FGD6: variants seen among roughly 807,000 people sequenced by gnomAD.
FGD6 encodes the protein FYVE, RhoGEF and PH domain-containing protein 6.
Under a neutral mutation model 149.4 loss-of-function variants are expected in FGD6, and 90 were observed. The ratio of observed to expected loss-of-function variants is 0.60; its 90% CI spans 0.51 to 0.72. FGD6 has a LOEUF of 0.72. Ranked by LOEUF, FGD6 falls within the 30% of genes least tolerant of loss-of-function variation. The pLI, the probability that FGD6 is intolerant of heterozygous loss-of-function variation, is 0.00. For synonymous variants in FGD6, 527 were observed against 584.0 expected, an observed-to-expected ratio of 0.90 and a Z score of 1.41; for missense variants, 1,437 against 1,684.8, an observed-to-expected ratio of 0.85 and a Z score of 2.57.
Position 95,081,419 on chromosome 12 carries a change from T to C in FGD6, c.*101A>G. The stretch of plus-strand genomic sequence containing the variant: ...TTGATGAAGGGTCTGGTTGGCTTTA[T>C]CTTGGCAGTGTTCATTTTTATACAA... On this transcript the variant is annotated 3_prime_UTR_variant, in exon 21 of 21. Coordinates refer to ENST00000343958, the MANE Select transcript of FGD6 (RefSeq NM_018351.4). 9.7e-7 allele frequency: 1 copy of C among 1,035,300 alleles called. No homozygotes were observed. The highest frequency in any genetic ancestry group is 1.4e-6 in the Non-Finnish European group (1 of 736,630). 64.1% of individuals were successfully genotyped at this position (1,035,300 alleles called of 1,614,324 possible). A position where few individuals can be genotyped will look rare whatever the true frequency, so the allele number is the denominator to read the frequency against.
chr12:95,155,865 T>C (rs1476944420), intron 3 of FGD6, among the ~76,000 whole-genome samples: 1 of 152,226 alleles, frequency 6.6e-6, no homozygotes, highest in African/African-American at 2.4e-5. Flanking sequence ...ATTGTGAAGA[T>C]TTCACGGACA....
intron 14 of FGD6, among the ~76,000 whole-genome samples, chr12:95,096,818 G>A (rs565304235): frequency 6.5e-4 from 99 of 152,320 alleles, no homozygotes; most frequent in African/African-American, 2.4e-3. Context: ...CCAGGTCATT[G>A]CTAGCCTCTG....
intron 9 of FGD6, among the ~76,000 whole-genome samples, chr12:95,111,193 C>G (rs886140551): frequency 6.6e-6 from 1 of 152,160 alleles, no homozygotes. Flanking sequence ...GTTGCCCAGG[C>G]TGGTCTTGAA....
intron 13 of FGD6, among the ~76,000 whole-genome samples, chr12:95,105,343 T>C (rs1878576878): frequency 6.6e-6 from 1 of 152,206 alleles, no homozygotes; most frequent in Non-Finnish European, 1.5e-5. Flanking sequence ...CATCTCAGCA[T>C]GGCCAAATGT....
chr12:95,216,669 C>CAA (rs143881424), intron 1 of FGD6, among the ~76,000 whole-genome samples: 12,504 of 88,082 alleles, frequency 0.14, 761 homozygotes, highest in South Asian at 0.2. Flanking sequence ...TGCAGACAAG[C>CAA]AAAAAAAAAA....
chr12:95,158,616 T>A (rs1880549034), intron 3 of FGD6, among the ~76,000 whole-genome samples: 1 of 152,148 alleles, frequency 6.6e-6, no homozygotes, highest in African/African-American at 2.4e-5. Context: ...CGGATAACTG[T>A]TATTTTGAAA....
intron 8 of FGD6, among the ~76,000 whole-genome samples, chr12:95,126,634 G>A (rs1194163996): frequency 6.6e-6 from 1 of 151,874 alleles, no homozygotes; most frequent in Non-Finnish European, 1.5e-5. Context: ...AGGAGGCTGA[G>A]GCAAGAGAAC....
chr12:95,210,728 C>T lies in FGD6; in HGVS notation c.556G>A (p.Ala186Thr), dbSNP rs201114864. The change falls in exon 2 of 21, where the codon GCC becomes ACC. Residue 186 changes from alanine to threonine, a missense_variant. Physicochemically the swap from Ala to Thr is moderately conservative, Grantham distance 58. Coordinates refer to ENST00000343958, the MANE Select transcript of FGD6 (RefSeq NM_018351.4). ...ASVLEEELKD[A>T]LIHQMPPFIS... ...AAAGGTGGCATTTGGTGTATTAAGG[C>T]ATCTTTGAGCTCCTCTTCTAAAACG... The T allele has an allele frequency of 8.7e-6, 14 of 1,613,800 alleles. No individual in the cohort carries two copies. The highest frequency in any genetic ancestry group is 1.2e-5 in the Non-Finnish European group (14 of 1,179,998).
At chr12:95,201,662 C>A (rs749659128) in intron 2 of FGD6, among the ~76,000 whole-genome samples, 1 of 152,116 alleles carries the variant, frequency 6.6e-6, no homozygotes, top group Non-Finnish European at 1.5e-5. Flanking sequence ...TCACCCTCCC[C>A]ACTTCTGCCC....
chr12:95,127,856 A>G lies in FGD6; in HGVS notation c.3082+6883T>C, dbSNP rs1232382351. Among the ~76,000 whole-genome samples the G allele has an allele frequency of 4.6e-5, 7 of 152,234 alleles. 1 individual carries two copies. Among genetic ancestry groups the G allele is most frequent in the South Asian group, 4.1e-4 (2 of 4,836 alleles). On this transcript the variant is annotated intron_variant, in intron 8 of 20. Transcript: ENST00000343958. ...CAAAGGACTATTTTTTTCTAACTAC[A>G]TAAGTGGAAAAGACTTATCAGAGGA...
chr12:95,140,572 GTGCCAT>G (rs908369846), intron 6 of FGD6, among the ~76,000 whole-genome samples: 2 of 152,014 alleles, frequency 1.3e-5, no homozygotes, highest in African/African-American at 4.8e-5. Context: ...AGCTGCGATC[GTGCCAT>G]TGCACTCCAG....
At chr12:95,180,994 CAA>C (rs10711230) in intron 2 of FGD6, among the ~76,000 whole-genome samples, 1 of 150,554 alleles carries the variant, frequency 6.6e-6, no homozygotes, top group African/African-American at 2.4e-5. Context: ...ATTGCCGTTT[CAA>C]AAAAAAAAGA....
At chr12:95,199,521 C>T (rs1169194305) in intron 2 of FGD6, among the ~76,000 whole-genome samples, 30 of 152,100 alleles carry the variant, frequency 2.0e-4, no homozygotes, top group Admixed American at 1.9e-3. Flanking sequence ...CTGCCTTCCT[C>T]CCCAGTAAGA....
chr12:95,089,683 GGAGTGCT>G lies in FGD6; in HGVS notation c.3857_3863del (p.Gln1286ProfsTer49). Reference sequence around the variant, plus strand: ...GATTTCCAGGAGATCCAATCCTAGGGGAGTGCTGGTGATCTAGAACAAATCAGGCATG... The same window carrying G: ...GATTTCCAGGAGATCCAATCCTAGGGGGTGATCTAGAACAAATCAGGCATG... On this transcript the variant is annotated frameshift_variant, in exon 18 of 21. Coordinates refer to ENST00000343958, the MANE Select transcript of FGD6 (RefSeq NM_018351.4). LOFTEE classifies it high-confidence loss of function. 1.2e-6 allele frequency: 2 copies of G among 1,613,686 alleles called. No homozygotes were observed. The highest frequency in any genetic ancestry group is 1.7e-6 in the Non-Finnish European group (2 of 1,179,744).
chr12:95,156,927 C>T (rs1011452875), intron 3 of FGD6, among the ~76,000 whole-genome samples: 6 of 152,084 alleles, frequency 3.9e-5, no homozygotes, highest in African/African-American at 1.2e-4. Flanking sequence ...GGAAAAAGAA[C>T]CCAGATTTCC....
At chr12:95,087,834 T>C (rs907970495) in intron 18 of FGD6, among the ~76,000 whole-genome samples, 6 of 152,110 alleles carry the variant, frequency 3.9e-5, no homozygotes, top group African/African-American at 1.2e-4. Context: ...AAATTAGAAA[T>C]ATTTGTTAAG....
chr12:95,185,607 A>G (rs925392012), intron 2 of FGD6, among the ~76,000 whole-genome samples: 1 of 152,228 alleles, frequency 6.6e-6, no homozygotes, highest in Non-Finnish European at 1.5e-5. Context: ...TTACGCCTGT[A>G]ATCCCAGCAT....
chr12:95,210,132 A>C lies in FGD6; in HGVS notation c.1152T>G (p.Ser384Arg). Reference sequence around the variant, plus strand: ...CACTGTTGGATTCCATATTCAATTCACTTTTATTTCCTAGCTTCATTTTAT... The same window carrying C: ...CACTGTTGGATTCCATATTCAATTCCCTTTTATTTCCTAGCTTCATTTTAT... ...QVDKMKLGNK[S>R]ELNMESNSDA... is the part of the protein sequence containing the mutation. Residue 384 changes from serine (S) to arginine (R), a missense_variant, in exon 2 of 21, where the codon AGT becomes AGG. Around this residue, in one of 2 missense-constraint regions of FGD6, gnomAD observed 1,055 missense variants for 1,146.0 expected, o/e 0.92. Coordinates refer to ENST00000343958, the MANE Select transcript of FGD6 (RefSeq NM_018351.4). 6.2e-7 allele frequency: 1 copy of C among 1,614,076 alleles called. No individual in the cohort carries two copies. Among genetic ancestry groups the C allele is most frequent in the African/African-American group, 1.3e-5 (1 of 75,052 alleles).
At position 95,137,505 on chromosome 12, in the gene FGD6, T is replaced by C. The variant is rs1418477767; in HGVS notation, c.2994+17A>G. The C allele has an allele frequency of 6.5e-7, 1 of 1,546,364 alleles. No homozygotes were observed. Among genetic ancestry groups the C allele is most frequent in the Non-Finnish European group, 8.7e-7 (1 of 1,146,624 alleles). On this transcript the variant is annotated intron_variant, in intron 7 of 20. Coordinates refer to ENST00000343958, the MANE Select transcript of FGD6 (RefSeq NM_018351.4). ...AAAAAGAAAGAGAAGTGTTCAACAT[T>C]AGATAGTAGCAAATACCTCAAATTC...
Sources: allele counts gnomAD v4.1 joint callset (sites outside exome capture counted in the v4.1 genomes callset), GRCh38; gene constraint gnomAD v4.1.1; regional missense constraint gnomAD v4.1.1; transcripts MANE v1.5; gene names NCBI Gene and HGNC (gene_info 2026-07-23, HGNC 2026-07-21).